GRK6: variants seen among roughly 807,000 people sequenced by gnomAD.
GRK6 encodes the protein G protein-coupled receptor kinase 6.
Under a neutral mutation model 80.8 loss-of-function variants are expected in GRK6, and 37 were observed. That is an observed-to-expected ratio of 0.46 (90% CI 0.35 to 0.60). GRK6 has a LOEUF of 0.60. Ranked by LOEUF, GRK6 falls within the 20% of genes least tolerant of loss-of-function variation. The pLI is 0.00. For missense variants in GRK6, 560 were observed against 784.6 expected, an observed-to-expected ratio of 0.71 and a Z score of 3.42; for synonymous variants, 295 against 320.9, an observed-to-expected ratio of 0.92 and a Z score of 0.86.
chr5:177,430,581 C>A, intron 1 of GRK6: 1 of 407,996 alleles, frequency 2.5e-6, no homozygotes, highest in Non-Finnish European at 4.5e-6. Flanking sequence ...TCCTACCTGG[C>A]GGGAAGCAAC....
intron 15 of GRK6, 118 bp downstream of exon 15, chr5:177,441,171 G>T (rs1257536666): frequency 6.7e-7 from 1 of 1,485,456 alleles, no homozygotes; most frequent in Non-Finnish European, 9.2e-7. Flanking sequence ...CTGTTGTGGT[G>T]CCCAGGGTCT....
intron 13 of GRK6, chr5:177,436,753 A>C: frequency 1.8e-6 from 1 of 547,722 alleles, no homozygotes; most frequent in Non-Finnish European, 3.2e-6. Flanking sequence ...TGTCCTAGGA[A>C]CTCTCTCTCC....
chr5:177,433,517 C>T lies in GRK6; in HGVS notation c.598-19C>T, dbSNP rs1360628422. ...ATGGCACAGCTGGCCCCCATTCGCC[C>T]CTGTCTGTCTGGCCACAGGTGTGCG... On this transcript the variant is annotated intron_variant, in intron 7 of 15. Coordinates refer to ENST00000355472, the MANE Select transcript of GRK6 (RefSeq NM_001004106.3). The T allele has an allele frequency of 1.2e-6, 2 of 1,613,708 alleles. No homozygotes were observed. Among genetic ancestry groups the T allele is most frequent in the Admixed American group, 3.3e-5 (2 of 59,994 alleles).
Position 177,440,991 on chromosome 5 carries a change from T to C in GRK6, c.1615T>C (p.Trp539Arg). 2 of 1,613,976 alleles carry C rather than the reference T, an allele frequency of 1.2e-6. No homozygotes were observed. The highest frequency in any genetic ancestry group is 1.7e-6 in the Non-Finnish European group (2 of 1,179,996). ...TGGCTCAGTTCCCCCAGACCTGGAC[T>C]GGAAGGGCCAGCCACCTGCACCTCC... ...LDGSVPPDLD[W>R]KGQPPAPPKK... The change falls in exon 15 of 16, where the codon TGG becomes CGG. Residue 539 changes from tryptophan (W) to arginine (R), a missense_variant. Coordinates refer to ENST00000355472, the MANE Select transcript of GRK6 (RefSeq NM_001004106.3).
chr5:177,432,192 C>T (rs754230940), intron 3 of GRK6, 41 bp from the exon 4 acceptor site: 6 of 1,612,150 alleles, frequency 3.7e-6, no homozygotes, highest in Middle Eastern at 1.7e-4. Context: ...CTGCTGCTTG[C>T]CCTGCCCAGA....
intron 13 of GRK6, 95 bp from the exon 14 acceptor site, chr5:177,440,605 G>C: frequency 1.4e-6 from 2 of 1,463,176 alleles, no homozygotes; most frequent in African/African-American, 1.4e-5. Flanking sequence ...GTGTCAGGCA[G>C]CACTAGGCCA....
chr5:177,440,546 C>T (rs1202492443), intron 13 of GRK6, among the ~76,000 whole-genome samples, 154 bp from the exon 14 acceptor site: 1 of 152,250 alleles, frequency 6.6e-6, no homozygotes. Flanking sequence ...GCCTGCCCCA[C>T]TTAGGAAGTG....
upstream of GRK6, among the ~76,000 whole-genome samples, chr5:177,425,983 G>A (rs913552026): frequency 6.6e-6 from 1 of 152,236 alleles, no homozygotes; most frequent in Admixed American, 6.5e-5. Flanking sequence ...GAGGCCGAGG[G>A]AAGGCGAGGC....
chr5:177,430,887 G>T lies in GRK6; in HGVS notation c.68G>T (p.Arg23Leu). 3 of 1,614,046 alleles carry T rather than the reference G, an allele frequency of 1.9e-6. No individual in the cohort carries two copies. Among genetic ancestry groups the T allele is most frequent in the Non-Finnish European group, 2.5e-6 (3 of 1,179,960 alleles). The change falls in exon 2 of 16, where the codon CGC (arginine) becomes CTC (leucine). Residue 23 changes from arginine to leucine, a missense_variant. Arg to Leu is a moderately radical substitution (Grantham distance 102). Around this residue, in one of 3 missense-constraint regions of GRK6, gnomAD observed 189 missense variants for 230.2 expected, o/e 0.82. Coordinates refer to ENST00000355472, the MANE Select transcript of GRK6 (RefSeq NM_001004106.3). ...LKAREGGGGN[R>L]KGKSKKWRQM... ...GCTCCCACAGGTGGCGGTGGAAATC[G>T]CAAAGGCAAAAGCAAGAAATGGCGG...
At chr5:177,441,310 C>G in intron 15 of GRK6, 1 of 1,548,336 alleles carries the variant, frequency 6.5e-7, no homozygotes, top group Non-Finnish European at 8.7e-7. Flanking sequence ...CACGGGCAGC[C>G]CTTCCATGGC....
Position 177,433,174 on chromosome 5 carries a change from C to T in GRK6, c.468C>T (p.Ala156=), listed in dbSNP as rs1273481055. The change falls in exon 6 of 16, where the codon GCC becomes GCT. Residue 156 remains alanine (A), a synonymous_variant. Transcript: ENST00000355472. ...TRLTHEYLSV[A]PFADYLDSIY... Reference sequence around the variant, plus strand: ...TGACCCACGAGTACCTGAGCGTGGCCCCTTTTGCCGACTACCTCGACAGCA... The same window carrying T: ...TGACCCACGAGTACCTGAGCGTGGCTCCTTTTGCCGACTACCTCGACAGCA... 4 of 1,614,130 alleles carry T rather than the reference C, an allele frequency of 2.5e-6. No homozygotes were observed. The highest frequency in any genetic ancestry group is 2.5e-6 in the Non-Finnish European group (3 of 1,180,016).
At chr5:177,427,729 C>A (rs563152691) in intron 1 of GRK6, among the ~76,000 whole-genome samples, 2 of 152,296 alleles carry the variant, frequency 1.3e-5, no homozygotes, top group East Asian at 3.9e-4. Context: ...CACTGACCAC[C>A]CACTCTGCCC....
Position 177,436,089 on chromosome 5 carries a change from G to A in GRK6, c.1074G>A (p.Lys358=), listed in dbSNP as rs6556327. The stretch of plus-strand genomic sequence containing the variant: ...CCCGCCCAGCTCCGGAGGTGGTGAA[G>A]AATGAACGGTACACGTTCAGCCCTG... ...TVGYMAPEVV[K]NERYTFSPDW... is the part of the protein sequence containing the mutation. The change falls in exon 12 of 16, where the codon AAG becomes AAA. Residue 358 remains lysine (K), a synonymous_variant. Coordinates refer to ENST00000355472, the MANE Select transcript of GRK6 (RefSeq NM_001004106.3). The A allele has an allele frequency of 7.2e-3, 11,660 of 1,613,534 alleles. 675 individuals carry two copies. In the African/African-American group the frequency reaches 0.13, roughly 18 times the overall value.
chr5:177,436,192 A>T lies in GRK6; in HGVS notation c.1177A>T (p.Lys393Ter), dbSNP rs766754458. The change falls in exon 12 of 16, where the codon AAG (lysine) becomes TAG (stop). Residue 393 changes from lysine to a stop codon, truncating the protein, a stop_gained. Coordinates refer to ENST00000355472, the MANE Select transcript of GRK6 (RefSeq NM_001004106.3). LOFTEE classifies it high-confidence loss of function. ...SPFQQRKKKI[K>*]REEVERLVKE... ...CTTCCAGCAGAGGAAGAAGAAGATC[A>T]AGCGGGAGGAGGTGGAGCGGCTGGT... is the stretch of plus-strand genomic sequence containing the variant. 4 of 1,614,206 alleles carry T rather than the reference A, an allele frequency of 2.5e-6. No individual in the cohort carries two copies. Among genetic ancestry groups the T allele is most frequent in the Non-Finnish European group, 3.4e-6 (4 of 1,180,026 alleles).
In GRK6 at chr5:177,439,419, A is replaced by T. The variant is rs538272111; in HGVS notation, c.1405-1281A>T. 8.5e-5 allele frequency among the ~76,000 whole-genome samples: 13 copies of T among 152,168 alleles called. No individual in the cohort carries two copies. The East Asian group carries it at 2.5e-3, about 29-fold the overall frequency. On this transcript the variant is annotated intron_variant, in intron 13 of 15. Coordinates refer to ENST00000355472, the MANE Select transcript of GRK6 (RefSeq NM_001004106.3). ...GCTGGACGTGGTGGCGCATGCCGGT[A>T]ATCTCACCTACTTGGGAGGCTGAGG...
intron 1 of GRK6, 45 bp from the exon 2 acceptor site, chr5:177,430,827 C>G (rs761202363): frequency 1.3e-6 from 2 of 1,564,858 alleles, no homozygotes; most frequent in Non-Finnish European, 1.8e-6. Context: ...AGAGGCAGTT[C>G]TGAGGCAGTG....
intron 13 of GRK6, among the ~76,000 whole-genome samples, chr5:177,439,232 T>G (rs1764330954): frequency 6.6e-6 from 1 of 152,188 alleles, no homozygotes; most frequent in East Asian, 1.9e-4. Context: ...TACCATACAA[T>G]TCACCCATTT....
At position 177,428,847 on chromosome 5, in the gene GRK6, G is replaced by A. The variant is rs1763774853; in HGVS notation, c.52+1950G>A. On this transcript the variant is annotated intron_variant, in intron 1 of 15. Transcript: ENST00000355472. The surrounding 1 kb of genome is among the most constrained non-coding windows in gnomAD (Gnocchi z 4.1). ...ACTGAGTCCTGAGCCCAGGCGCCTG[G>A]ACGGGCTGCATCAGAACCACCTCAT... Among the ~76,000 whole-genome samples the A allele has an allele frequency of 6.6e-6, 1 of 152,178 alleles. No homozygotes were observed. Among genetic ancestry groups the A allele is most frequent in the Admixed American group, 6.5e-5 (1 of 15,286 alleles).
At position 177,426,807 on chromosome 5, in the gene GRK6, C is replaced by G; in HGVS notation, c.-39C>G. 1 of 1,135,148 alleles carries G rather than the reference C, an allele frequency of 8.8e-7. No individual in the cohort carries two copies. Among genetic ancestry groups the G allele is most frequent in the East Asian group, 4.3e-5 (1 of 23,382 alleles). 70.3% of individuals were successfully genotyped at this position (1,135,148 alleles called of 1,614,324 possible). ...CTCGGCACTCGCGCGCGATCCCGGC[C>G]GGCGGCGCGGCCCGGCGGGCCAGGC... On this transcript the variant is annotated 5_prime_UTR_variant, in exon 1 of 16. Coordinates refer to ENST00000355472, the MANE Select transcript of GRK6 (RefSeq NM_001004106.3).
Sources: allele counts gnomAD v4.1 joint callset (sites outside exome capture counted in the v4.1 genomes callset), GRCh38; gene constraint gnomAD v4.1.1; regional missense constraint gnomAD v4.1.1; non-coding constraint Gnocchi (gnomAD v3.1); transcripts MANE v1.5; gene names NCBI Gene and HGNC (gene_info 2026-07-23, HGNC 2026-07-21).